ZNF678: variants seen among roughly 807,000 people sequenced by gnomAD.
The protein encoded by ZNF678 is zinc finger protein 678, also known as hypothetical protein MGC42493.
In ZNF678, 5 loss-of-function variants were observed where a neutral mutation model predicts 3.0. The ratio of observed to expected loss-of-function variants is 1.69; its 90% CI spans 0.88 to 3.56. The LOEUF is 3.56. ZNF678 is among the 30% of genes most tolerant of loss of function. The pLI is 0.00. For synonymous variants in ZNF678, 218 were observed against 199.6 expected (o/e 1.09, Z -0.78); for missense variants, 593 against 605.0 (o/e 0.98, Z 0.21).
At position 227,661,760 on chromosome 1, in the gene ZNF678, G is replaced by A. The variant is rs533114675; in HGVS notation, c.*5932G>A. ...ATTGAGCTTCTGAACAGCTACTCCA[G>A]AAACTATGGTGCTGTGGTGAAGTCC... On this transcript the variant is annotated 3_prime_UTR_variant, in exon 4 of 4. Coordinates refer to ENST00000343776, the MANE Select transcript of ZNF678 (RefSeq NM_001367909.1). 6.6e-6 allele frequency: 1 copy of A among 152,300 alleles called. No individual in the cohort carries two copies. The highest frequency in any genetic ancestry group is 1.9e-4 in the East Asian group (1 of 5,178). 9.4% of individuals were successfully genotyped at this position (152,300 alleles called of 1,614,324 possible).
At chr1:227,673,163 T>G (rs1425647831) in intron 5 of ZNF678, among the ~76,000 whole-genome samples, 2 of 152,194 alleles carry the variant, frequency 1.3e-5, no homozygotes, top group Non-Finnish European at 2.9e-5. Context: ...CACCTTGCAC[T>G]TACTTGGGGT....
Position 227,659,017 on chromosome 1 carries a change from G to GT in ZNF678, c.*3195dup, listed in dbSNP as rs949609773. ...TGGCAAGCAAAAAAGTTTAAATTTA[G>GT]TTTTTTATAAATTACATATAGCACA... On this transcript the variant is annotated 3_prime_UTR_variant, in exon 4 of 4. Coordinates refer to ENST00000343776, the MANE Select transcript of ZNF678 (RefSeq NM_001367909.1). 40 of 151,914 alleles carry GT rather than the reference G, an allele frequency of 2.6e-4. No individual in the cohort carries two copies. Among genetic ancestry groups the GT allele is most frequent in the African/African-American group, 9.6e-4 (40 of 41,470 alleles). 9.4% of individuals were successfully genotyped at this position (151,914 alleles called of 1,614,324 possible).
intron 1 of ZNF678, among the ~76,000 whole-genome samples, chr1:227,607,263 TATTTTAAAATA>T (rs1657896599): frequency 6.6e-6 from 1 of 152,262 alleles, no homozygotes. Flanking sequence ...TGGCAGTTGA[TATTTTAAAATA>T]ATGTGAAAAA....
intron 2 of ZNF678, among the ~76,000 whole-genome samples, chr1:227,650,596 A>G (rs1475749271): frequency 6.6e-6 from 1 of 152,154 alleles, no homozygotes; most frequent in South Asian, 2.1e-4. Flanking sequence ...TACAATAATT[A>G]GTCTTCTAAT....
At position 227,654,980 on chromosome 1, in the gene ZNF678, A is replaced by G. The variant is rs772821291; in HGVS notation, c.730A>G (p.Lys244Glu). The change falls in exon 4 of 4, where the codon AAA becomes GAA. Residue 244 changes from lysine (K) to glutamate (E), a missense_variant. By Grantham distance (56) the Lys-to-Glu change is moderately conservative. Transcript: ENST00000343776. Reference protein sequence around the residue: ...EKPYKCKECCKAFNKFSNLTQ... With the variant: ...EKPYKCKECCEAFNKFSNLTQ... ...ACCCTACAAATGCAAAGAATGTTGC[A>G]AAGCCTTTAACAAGTTCTCAAACCT... is the stretch of plus-strand genomic sequence containing the variant. The G allele has an allele frequency of 2.5e-6, 4 of 1,612,460 alleles. No individual in the cohort carries two copies. The highest frequency in any genetic ancestry group is 3.4e-6 in the Non-Finnish European group (4 of 1,179,408).
At chr1:227,587,252 T>G (rs920827771) in intron 1 of ZNF678, among the ~76,000 whole-genome samples, 10 of 14,928 alleles carry the variant, frequency 6.7e-4, no homozygotes, top group Non-Finnish European at 9.8e-4. Context: ...GCATGTTAGA[T>G]TTTTTTTTTT....
rs1659264857 is a variant in ZNF678 at position 227,656,967 on chromosome 1, T to A, written c.*1139T>A. The stretch of plus-strand genomic sequence containing the variant: ...CAGTGAAAGGACACCTCTAGTAATC[T>A]CTTTTCCCAGTGGCTTTTAATTTCA... On this transcript the variant is annotated 3_prime_UTR_variant, in exon 4 of 4. Transcript: ENST00000343776. 2 of 151,938 alleles carry A rather than the reference T, an allele frequency of 1.3e-5. No homozygotes were observed. Among genetic ancestry groups the A allele is most frequent in the East Asian group, 1.9e-4 (1 of 5,190 alleles). 9.4% of individuals were successfully genotyped at this position (151,938 alleles called of 1,614,324 possible).
At position 227,592,495 on chromosome 1, in the gene ZNF678, G is replaced by C. The variant is rs573462091; in HGVS notation, c.-164+28771G>C. ...GCCATTTTTCTTTTTCTGACACATA[G>C]GGTGTAAAGGGATTTGTCAGGTCAG... On this transcript the variant is annotated intron_variant, in intron 1 of 3. Transcript: ENST00000343776. Among the ~76,000 whole-genome samples, 4 of 152,338 alleles carry C rather than the reference G, an allele frequency of 2.6e-5. No homozygotes were observed. In the East Asian group the frequency reaches 7.7e-4, roughly 29 times the overall value.
intron 1 of ZNF678, among the ~76,000 whole-genome samples, chr1:227,603,534 G>A (rs1657788259): frequency 6.6e-6 from 1 of 152,108 alleles, no homozygotes; most frequent in Non-Finnish European, 1.5e-5. Flanking sequence ...GACCCACTGG[G>A]CCCGACTCCA....
chr1:227,664,703 C>T (rs1209419084), downstream of ZNF678, among the ~76,000 whole-genome samples: 1 of 152,120 alleles, frequency 6.6e-6, no homozygotes, highest in African/African-American at 2.4e-5. Flanking sequence ...CTGGGGCTGT[C>T]TCTAGAATGT....
chr1:227,639,825 A>AG lies in ZNF678; in HGVS notation c.-163-6717dup, dbSNP rs1658774641. On this transcript the variant is annotated intron_variant, in intron 1 of 3. Transcript: ENST00000343776. The stretch of plus-strand genomic sequence containing the variant: ...GTCTTCTGGGGTGAGGCTGGAAGAG[A>AG]GGATAACATAGAGGTCATGCCAGGT... Among the ~76,000 whole-genome samples the AG allele has an allele frequency of 2.6e-5, 4 of 152,162 alleles. No homozygotes were observed. In the South Asian group the frequency reaches 8.3e-4, roughly 32 times the overall value.
At position 227,654,412 on chromosome 1, in the gene ZNF678, A is replaced by G. The variant is rs2102805232; in HGVS notation, c.162A>G (p.Thr54=). The part of the protein sequence containing the change: ...MKDLCQKVTL[T]RHRSWGLDNL... Reference sequence around the variant, plus strand: ...ATTTATGCCAAAAAGTGACACTGACAAGACATAGAAGCTGGGGCCTTGACA... The same window carrying G: ...ATTTATGCCAAAAAGTGACACTGACGAGACATAGAAGCTGGGGCCTTGACA... Residue 54 remains threonine, a synonymous_variant, in exon 4 of 4, where the codon ACA becomes ACG. Coordinates refer to ENST00000343776, the MANE Select transcript of ZNF678 (RefSeq NM_001367909.1). 6.2e-7 allele frequency: 1 copy of G among 1,611,756 alleles called. No individual in the cohort carries two copies.
At chr1:227,579,834 G>T (rs1490614858) in intron 1 of ZNF678, among the ~76,000 whole-genome samples, 1 of 152,212 alleles carries the variant, frequency 6.6e-6, no homozygotes, top group Non-Finnish European at 1.5e-5. Context: ...AGATCTGACA[G>T]TTCCCCTGGG....
intron 1 of ZNF678, among the ~76,000 whole-genome samples, chr1:227,584,552 G>A (rs1657210203): frequency 6.6e-6 from 1 of 152,202 alleles, no homozygotes; most frequent in African/African-American, 2.4e-5. Context: ...TGTCAAACAT[G>A]TTAAAAAATA....
chr1:227,614,921 A>T (rs1441914478), intron 1 of ZNF678, among the ~76,000 whole-genome samples: 3 of 152,240 alleles, frequency 2.0e-5, no homozygotes, highest in African/African-American at 7.2e-5. Context: ...AGTTTTTTAA[A>T]TAAGAAAAAT....
chr1:227,645,731 T>G (rs917256299), intron 1 of ZNF678, among the ~76,000 whole-genome samples: 8 of 152,358 alleles, frequency 5.3e-5, no homozygotes, highest in African/African-American at 1.9e-4. Context: ...TTTTGCCTTC[T>G]TGACCTATGC....
At chr1:227,563,747 TCCAA>T in intron 1 of ZNF678, 23 bp downstream of exon 1, 1 of 1,312,540 alleles carries the variant, frequency 7.6e-7, no homozygotes, top group Non-Finnish European at 1.0e-6. Context: ...GGGAGGGTGT[TCCAA>T]GATGGCGGTC....
chr1:227,576,877 T>C (rs1353655893), intron 1 of ZNF678, among the ~76,000 whole-genome samples: 5 of 152,216 alleles, frequency 3.3e-5, no homozygotes, highest in South Asian at 4.1e-4. Context: ...TTTAGTGTTA[T>C]AATTTTCCAT....
chr1:227,662,151 T>G lies in ZNF678; in HGVS notation c.*6323T>G, dbSNP rs939658056. The G allele has an allele frequency of 6.6e-6, 1 of 152,344 alleles. No individual in the cohort carries two copies. Among genetic ancestry groups the G allele is most frequent in the East Asian group, 1.9e-4 (1 of 5,188 alleles). 9.4% of individuals were successfully genotyped at this position (152,344 alleles called of 1,614,324 possible). A position where few individuals can be genotyped will look rare whatever the true frequency, so the allele number is the denominator to read the frequency against. ...TACTTTCAAGCGTTTCTATGGTATT[T>G]GTCAGCTGTGGAGCAACAGCACACA... is the stretch of plus-strand genomic sequence containing the variant. On this transcript the variant is annotated 3_prime_UTR_variant, in exon 4 of 4. Coordinates refer to ENST00000343776, the MANE Select transcript of ZNF678 (RefSeq NM_001367909.1).
Sources: gnomAD v4.1 joint callset for allele counts (sites outside exome capture counted in the v4.1 genomes callset) on GRCh38, gnomAD v4.1.1 for gene constraint, MANE v1.5 for transcripts, NCBI Gene and HGNC (gene_info 2026-07-23, HGNC 2026-07-21) for gene names.